USF3: variants seen among roughly 807,000 people sequenced by gnomAD.
USF3 encodes the protein upstream transcription factor family member 3, also known as basic helix-loop-helix domain-containing protein USF3.
USF3 carries 29 observed loss-of-function variants against 157.5 expected under a neutral mutation model. The ratio of observed to expected loss-of-function variants is 0.18; its 90% confidence interval spans 0.14 to 0.25. USF3 has a LOEUF of 0.25. Among genes scored for constraint, USF3 ranks in the 10% least tolerant of loss-of-function variants. The pLI is 1.00. For missense variants in USF3, 2,381 were observed against 2,667.6 expected, an observed-to-expected ratio of 0.89 and a Z score of 2.37; for synonymous variants, 893 against 941.4, an observed-to-expected ratio of 0.95 and a Z score of 0.94.
intron 6 of USF3, among the ~76,000 whole-genome samples, chr3:113,662,798 T>C (rs1183188623): frequency 6.6e-6 from 1 of 152,132 alleles, no homozygotes; most frequent in African/African-American, 2.4e-5. Context: ...TATTATCTCT[T>C]TTAATCCTCA....
intron 2 of USF3, among the ~76,000 whole-genome samples, chr3:113,675,245 G>A (rs541981176): frequency 3.3e-5 from 5 of 152,158 alleles, no homozygotes; most frequent in Non-Finnish European, 5.9e-5. Flanking sequence ...GTTGAGTTGG[G>A]AGAGTATGCT....
chr3:113,675,341 G>A lies in USF3; in HGVS notation c.-18-445C>T, dbSNP rs149255481. ...CACAAAAAAAACAAATGTGACAAGA[G>A]CACAAACATGTAATATTCCATACAT... is the stretch of plus-strand genomic sequence containing the variant. On this transcript the variant is annotated intron_variant, in intron 2 of 6. Coordinates refer to ENST00000316407, the MANE Select transcript of USF3 (RefSeq NM_001009899.4). Among the ~76,000 whole-genome samples, 688 of 152,184 alleles carry A rather than the reference G, an allele frequency of 4.5e-3. 4 individuals are homozygous for A. Among genetic ancestry groups the A allele is most frequent in the African/African-American group, 0.016 (655 of 41,528 alleles).
chr3:113,656,076 C>T lies in USF3; in HGVS notation c.5606G>A (p.Arg1869Lys), dbSNP rs1204180897. The change falls in exon 7 of 7, where the codon AGA (arginine) becomes AAA (lysine). Residue 1869 changes from arginine to lysine, a missense_variant. Coordinates refer to ENST00000316407, the MANE Select transcript of USF3 (RefSeq NM_001009899.4). ...PPTHENVHIR[R>K]ESESQNRESC... Reference sequence around the variant, plus strand: ...TTCCCTATTCTGACTCTCACTCTCTCTTCTAATATGGACATTTTCATGAGT... The same window carrying T: ...TTCCCTATTCTGACTCTCACTCTCTTTTCTAATATGGACATTTTCATGAGT... 1 of 1,614,198 alleles carries T rather than the reference C, an allele frequency of 6.2e-7. No individual in the cohort carries two copies. Among genetic ancestry groups the T allele is most frequent in the South Asian group, 1.1e-5 (1 of 91,088 alleles).
Position 113,657,848 on chromosome 3 carries a change from T to A in USF3, c.3834A>T (p.Ser1278=). ...TVPATVNLTV[S]SSSYGSQPPG... ...GAGGTTGACTGCCATAGGAGCTAGA[T>A]GAAACGGTCAGATTAACCGTTGCAG... Residue 1278 remains serine, a synonymous_variant, in exon 7 of 7, where the codon TCA becomes TCT. Transcript: ENST00000316407. The A allele has an allele frequency of 3.1e-6, 5 of 1,614,196 alleles. No homozygotes were observed. The highest frequency in any genetic ancestry group is 4.2e-6 in the Non-Finnish European group (5 of 1,180,030).
chr3:113,680,453 T>C (rs1431734858), intron 1 of USF3, among the ~76,000 whole-genome samples: 1 of 152,156 alleles, frequency 6.6e-6, no homozygotes, highest in Non-Finnish European at 1.5e-5. Context: ...TACTTTTTCA[T>C]TTTTTATTTT....
rs1473455001 is a variant in USF3 at position 113,654,231 on chromosome 3, A to G, written c.*713T>C. ...TATGTACTTAACTTTTTAGCTTTCT[A>G]TATTTACGGCTAAATAATTGTCTAA... On this transcript the variant is annotated 3_prime_UTR_variant, in exon 7 of 7. Transcript: ENST00000316407. The G allele has an allele frequency of 6.5e-6, 1 of 152,814 alleles. No individual in the cohort carries two copies. The highest frequency in any genetic ancestry group is 2.1e-4 in the South Asian group (1 of 4,832). The allele number at this position is 152,814 out of a possible 1,614,324, so 9.5% of individuals were successfully genotyped here.
chr3:113,681,211 C>A (rs1374325981), intron 1 of USF3, among the ~76,000 whole-genome samples: 1 of 150,782 alleles, frequency 6.6e-6, no homozygotes, highest in African/African-American at 2.4e-5. Flanking sequence ...ACTCCTGACC[C>A]CAGGTGATCT....
chr3:113,691,303 G>A (rs1707676800), intron 1 of USF3, among the ~76,000 whole-genome samples: 1 of 152,124 alleles, frequency 6.6e-6, no homozygotes, highest in African/African-American at 2.4e-5. Context: ...CCAACCACCA[G>A]TCTTCTTGAA....
rs745693328 is a variant in USF3, at chr3:113,657,713, G to A, written c.3969C>T (p.Ser1323=). 6.8e-6 allele frequency: 11 copies of A among 1,614,002 alleles called. No homozygotes were observed. The African/African-American group carries it at 1.1e-4, about 16-fold the overall frequency. The part of the protein sequence containing the change: ...QEPLLKPSHE[S]RKDSAKRAVQ... Reference sequence around the variant, plus strand: ...CAGCACGCTTAGCAGAATCCTTACGGCTTTCATGGCTTGGCTTTAAGAGTG... The same window carrying A: ...CAGCACGCTTAGCAGAATCCTTACGACTTTCATGGCTTGGCTTTAAGAGTG... Residue 1323 remains serine, a synonymous_variant, in exon 7 of 7, where the codon AGC becomes AGT. Transcript: ENST00000316407.
intron 2 of USF3, among the ~76,000 whole-genome samples, chr3:113,676,727 C>T (rs940393215): frequency 1.3e-5 from 2 of 151,858 alleles, no homozygotes; most frequent in Non-Finnish European, 2.9e-5. Flanking sequence ...TTTTTTTCTC[C>T]GAGAGAGAGA....
rs1406919890 is a variant in USF3 at position 113,657,936 on chromosome 3, C to T, written c.3746G>A (p.Ser1249Asn). 6.2e-7 allele frequency: 1 copy of T among 1,614,190 alleles called. No individual in the cohort carries two copies. Among genetic ancestry groups the T allele is most frequent in the Non-Finnish European group, 8.5e-7 (1 of 1,180,038 alleles). Residue 1249 changes from serine to asparagine, a missense_variant, in exon 7 of 7, where the codon AGC becomes AAC. This residue lies in a region of USF3 where 1,435 missense variants were observed against 1,550.9 expected (regional missense o/e 0.93). Coordinates refer to ENST00000316407, the MANE Select transcript of USF3 (RefSeq NM_001009899.4). ...LSVNNLIHQS[S>N]ISHPLASCAG... ...ACAGCTGGCCAGAGGATGGCTGATG[C>T]TGCTCTGATGGATAAGATTATTCAC...
Position 113,657,263 on chromosome 3 carries a change from T to TTGCTGCTGCTGCTGCTGCTGCTGC in USF3, c.4395_4418dup (p.Gln1471_Gln1478dup). ...ACTGCCCTGCTTGTTGTTGTTGCTG[T>TTGCTGCTGCTGCTGCTGCTGCTGC]TGCTGCTGCTGCTGCTGCTGCTGCT... On this transcript the variant is annotated inframe_insertion, in exon 7 of 7. Coordinates refer to ENST00000316407, the MANE Select transcript of USF3 (RefSeq NM_001009899.4). 5 of 1,582,170 alleles carry TTGCTGCTGCTGCTGCTGCTGCTGC rather than the reference T, an allele frequency of 3.2e-6. No individual in the cohort carries two copies. Among genetic ancestry groups the TTGCTGCTGCTGCTGCTGCTGCTGC allele is most frequent in the Non-Finnish European group, 4.3e-6 (5 of 1,156,830 alleles).
Position 113,649,654 on chromosome 3 carries a change from G to T in USF3, c.*5290C>A, listed in dbSNP as rs1188138694. 9.0e-6 allele frequency: 5 copies of T among 555,802 alleles called. No homozygotes were observed. The highest frequency in any genetic ancestry group is 8.1e-5 in the South Asian group (3 of 36,936). The allele number at this position is 555,802 out of a possible 1,614,324, so 34.4% of individuals were successfully genotyped here. A position where few individuals can be genotyped will look rare whatever the true frequency, so the allele number is the denominator to read the frequency against. On this transcript the variant is annotated 3_prime_UTR_variant, in exon 7 of 7. Transcript: ENST00000316407. ...CAGCTGGCCCTTTGCTATAACAGAG[G>T]AGTGGGTGAGTGATATGTTCCAACA...
At chr3:113,679,533 C>A (rs1707363374) in intron 1 of USF3, among the ~76,000 whole-genome samples, 1 of 151,628 alleles carries the variant, frequency 6.6e-6, no homozygotes, top group Admixed American at 6.6e-5. Flanking sequence ...TCTGCTTCAG[C>A]CTACCTAGTA....
chr3:113,658,296 T>C lies in USF3; in HGVS notation c.3386A>G (p.Gln1129Arg). 6.2e-7 allele frequency: 1 copy of C among 1,614,210 alleles called. No homozygotes were observed. Among genetic ancestry groups the C allele is most frequent in the East Asian group, 2.2e-5 (1 of 44,884 alleles). The change falls in exon 7 of 7, where the codon CAA (glutamine) becomes CGA (arginine). Residue 1129 changes from glutamine to arginine, a missense_variant. Physicochemically the swap from Gln to Arg is conservative, Grantham distance 43. Transcript: ENST00000316407. ...NTCDSCTFVE[Q>R]TDIVALAARA... ...TGCTGCAAGAGCTACTATATCAGTT[T>C]GCTCTACAAAGGTACAGCTGTCACA...
In USF3 at chr3:113,659,458, T is replaced by C; in HGVS notation, c.2224A>G (p.Asn742Asp). 3 of 1,614,232 alleles carry C rather than the reference T, an allele frequency of 1.9e-6. No homozygotes were observed. Among genetic ancestry groups the C allele is most frequent in the Non-Finnish European group, 2.5e-6 (3 of 1,180,034 alleles). ...SQPANSQTAA[N>D]SQTTTANCVS... Reference sequence around the variant, plus strand: ...CAGTTAGCTGTAGTGGTTTGACTATTTGCAGCAGTTTGAGAATTGGCAGGC... The same window carrying C: ...CAGTTAGCTGTAGTGGTTTGACTATCTGCAGCAGTTTGAGAATTGGCAGGC... Residue 742 changes from asparagine (N) to aspartate (D), a missense_variant, in exon 7 of 7, where the codon AAT becomes GAT. Physicochemically the swap from Asn to Asp is conservative, Grantham distance 23 (BLOSUM62 1). This residue lies in a region of USF3 where 1,435 missense variants were observed against 1,550.9 expected (regional missense o/e 0.93). Transcript: ENST00000316407.
Position 113,659,696 on chromosome 3 carries a change from T to G in USF3, c.1986A>C (p.Gln662His). Residue 662 changes from glutamine (Q) to histidine (H), a missense_variant, in exon 7 of 7, where the codon CAA (glutamine) becomes CAC (histidine). Physicochemically the swap from Gln to His is conservative, Grantham distance 24. Coordinates refer to ENST00000316407, the MANE Select transcript of USF3 (RefSeq NM_001009899.4). ...AGAGCTGTCCATTTAAAGAAATGGT[T>G]TGAGGCTGTTGGTTTGACATGGTAA... is the stretch of plus-strand genomic sequence containing the variant. ...FSVTMSNQQP[Q>H]TISLNGQLFA... is the part of the protein sequence containing the mutation. 1 of 1,614,204 alleles carries G rather than the reference T, an allele frequency of 6.2e-7. No homozygotes were observed. Among genetic ancestry groups the G allele is most frequent in the South Asian group, 1.1e-5 (1 of 91,080 alleles).
Position 113,649,791 on chromosome 3 carries a change from T to C in USF3, c.*5153A>G. The C allele has an allele frequency of 2.8e-6, 2 of 702,476 alleles. No individual in the cohort carries two copies. The highest frequency in any genetic ancestry group is 1.5e-5 in the South Asian group (1 of 67,460). 43.5% of individuals were successfully genotyped at this position (702,476 alleles called of 1,614,324 possible). On this transcript the variant is annotated 3_prime_UTR_variant, in exon 7 of 7. Transcript: ENST00000316407. ...TCCAACAAGGTCCTCACGCTTCTTA[T>C]CAGCATGGACTGACTCAATCTAAAT...
chr3:113,660,810 T>C lies in USF3; in HGVS notation c.872A>G (p.Lys291Arg). The C allele has an allele frequency of 1.2e-6, 2 of 1,614,162 alleles. No homozygotes were observed. Among genetic ancestry groups the C allele is most frequent in the Non-Finnish European group, 1.7e-6 (2 of 1,180,034 alleles). The change falls in exon 7 of 7, where the codon AAA becomes AGA. Residue 291 changes from lysine to arginine, a missense_variant. Around this residue, in one of 6 missense-constraint regions of USF3, gnomAD observed 1,435 missense variants for 1,550.9 expected, o/e 0.93. Coordinates refer to ENST00000316407, the MANE Select transcript of USF3 (RefSeq NM_001009899.4). Reference sequence around the variant, plus strand: ...ACAAGGGGTCATTTTCTTCAATACTTTGGGGTTCTCTTGTCCATTCTTATT... The same window carrying C: ...ACAAGGGGTCATTTTCTTCAATACTCTGGGGTTCTCTTGTCCATTCTTATT... ...SENKNGQENP[K>R]VLKKMTPCVT...
Sources: allele counts gnomAD v4.1 joint callset (sites outside exome capture counted in the v4.1 genomes callset), GRCh38; gene constraint gnomAD v4.1.1; regional missense constraint gnomAD v4.1.1; transcripts MANE v1.5; gene names NCBI Gene and HGNC (gene_info 2026-07-23, HGNC 2026-07-21).